Variants in LMBR1 observed in about 807,000 individuals in gnomAD.
The protein encoded by LMBR1 is limb region 1 protein homolog.
LMBR1 carries 52 observed loss-of-function variants against 73.9 expected under a neutral mutation model. The observed-to-expected ratio is 0.70, with a 90% CI of 0.56 to 0.89. The LOEUF (loss-of-function observed/expected upper bound fraction) is 0.89, where lower values mean the gene tolerates loss of function less well. Ranked by LOEUF, LMBR1 falls within the 40% of genes least tolerant of loss-of-function variation. LMBR1 has a pLI of 0.00. For missense variants in LMBR1, 539 were observed against 579.8 expected (o/e 0.93, Z 0.72); for synonymous variants, 215 against 209.4 (o/e 1.03, Z -0.23).
chr7:156,679,203 G>A lies in LMBR1; in HGVS notation c.*4875C>T, dbSNP rs553212545. 1 of 152,268 alleles carries A rather than the reference G, an allele frequency of 6.6e-6. No homozygotes were observed. The highest frequency in any genetic ancestry group is 1.9e-4 in the East Asian group (1 of 5,180). 9.4% of individuals were successfully genotyped at this position (152,268 alleles called of 1,614,324 possible). On this transcript the variant is annotated 3_prime_UTR_variant, in exon 17 of 17. Transcript: ENST00000353442. The stretch of plus-strand genomic sequence containing the variant: ...ATTTTCGGCTTCGCAAGGTGGTCCT[G>A]GGGGTGACTGTGGGACGACAAAGAA...
At chr7:156,704,215 C>A (rs751884988) in intron 15 of LMBR1, among the ~76,000 whole-genome samples, 1 of 152,190 alleles carries the variant, frequency 6.6e-6, no homozygotes, top group East Asian at 1.9e-4. Context: ...GCTTAGCCCA[C>A]CACTGCTACC....
rs895247036 is a variant in LMBR1, at chr7:156,680,625, A to C, written c.*3453T>G. 2.0e-5 allele frequency: 3 copies of C among 153,070 alleles called. No homozygotes were observed. The highest frequency in any genetic ancestry group is 4.4e-5 in the Non-Finnish European group (3 of 68,712). The allele number at this position is 153,070 out of a possible 1,614,324, so 9.5% of individuals were successfully genotyped here. Reference sequence around the variant, plus strand: ...CAAGTCTAAATAATTCAAGTAATTAAATAAAATACATGCTATCAATTATTG... The same window carrying C: ...CAAGTCTAAATAATTCAAGTAATTACATAAAATACATGCTATCAATTATTG... On this transcript the variant is annotated 3_prime_UTR_variant, in exon 17 of 17. Transcript: ENST00000353442.
chr7:156,704,505 G>A (rs28751067), intron 15 of LMBR1, among the ~76,000 whole-genome samples: 11,515 of 151,476 alleles, frequency 0.076, 629 homozygotes, highest in East Asian at 0.15. Flanking sequence ...CTCCGGATGC[G>A]CAGAAATCAA....
chr7:156,864,070 C>T (rs1334560670), intron 1 of LMBR1, among the ~76,000 whole-genome samples: 1 of 152,148 alleles, frequency 6.6e-6, no homozygotes, highest in Non-Finnish European at 1.5e-5. Flanking sequence ...ATGAGAATCA[C>T]TTGAACCTGG....
rs1046952433 is a variant in LMBR1, at chr7:156,680,696, C to G, written c.*3382G>C. 5.2e-4 allele frequency: 83 copies of G among 159,760 alleles called. No homozygotes were observed. The highest frequency in any genetic ancestry group is 2.0e-3 in the African/African-American group (81 of 41,442). The allele number at this position is 159,760 out of a possible 1,614,324, so 9.9% of individuals were successfully genotyped here. A position where few individuals can be genotyped will look rare whatever the true frequency, so the allele number is the denominator to read the frequency against. On this transcript the variant is annotated 3_prime_UTR_variant, in exon 17 of 17. Transcript: ENST00000353442. ...AGAAATTGATCTACCAATAACTGCA[C>G]AACAGAGAAAGAAAATATCCATTTC...
chr7:156,700,556 T>A (rs77956650), intron 15 of LMBR1, among the ~76,000 whole-genome samples: 2,812 of 151,670 alleles, frequency 0.019, 156 homozygotes, highest in Admixed American at 0.11. Context: ...TAATAAAATT[T>A]AAAAAAAAAT....
intron 3 of LMBR1, among the ~76,000 whole-genome samples, chr7:156,831,177 T>C (rs1376176008): frequency 2.0e-5 from 3 of 151,386 alleles, no homozygotes; most frequent in African/African-American, 7.3e-5. Context: ...GTGGGATATC[T>C]GACAGAAAAG....
intron 1 of LMBR1, among the ~76,000 whole-genome samples, chr7:156,839,483 G>A (rs1838261073): frequency 6.6e-6 from 1 of 152,050 alleles, no homozygotes; most frequent in Admixed American, 6.6e-5. Flanking sequence ...AGAAATAAAG[G>A]TTTGCCACAG....
At chr7:156,846,319 C>T (rs999144163) in intron 1 of LMBR1, among the ~76,000 whole-genome samples, 1 of 151,810 alleles carries the variant, frequency 6.6e-6, no homozygotes, top group African/African-American at 2.4e-5. Context: ...ACAAAGATGC[C>T]AAATATGCAA....
chr7:156,869,570 A>G (rs1051576486), intron 1 of LMBR1, among the ~76,000 whole-genome samples: 2 of 152,196 alleles, frequency 1.3e-5, no homozygotes, highest in African/African-American at 4.8e-5. Flanking sequence ...AGCAAAACCC[A>G]AAGGTAGACA....
At chr7:156,697,555 T>C (rs935522926) in intron 15 of LMBR1, among the ~76,000 whole-genome samples, 3 of 152,158 alleles carry the variant, frequency 2.0e-5, no homozygotes, top group Non-Finnish European at 4.4e-5. Context: ...AATGCATTCT[T>C]TTCCCAAGGT....
chr7:156,838,991 A>G (rs908608459), intron 1 of LMBR1, among the ~76,000 whole-genome samples: 1 of 149,238 alleles, frequency 6.7e-6, no homozygotes, highest in African/African-American at 2.5e-5. Flanking sequence ...ACATTTTCAT[A>G]TACCTATTGG....
chr7:156,684,204 C>T, intron 16 of LMBR1, 41 bp from the exon 17 acceptor site: 1 of 1,468,794 alleles, frequency 6.8e-7, no homozygotes, highest in Non-Finnish European at 9.5e-7. Context: ...TGATATATTG[C>T]TGAGTGGCTG....
intron 2 of LMBR1, among the ~76,000 whole-genome samples, chr7:156,833,999 A>G (rs1837165441): frequency 6.6e-6 from 1 of 152,200 alleles, no homozygotes; most frequent in African/African-American, 2.4e-5. Flanking sequence ...GGGATGTTTC[A>G]ATTAACAAAA....
intron 1 of LMBR1, among the ~76,000 whole-genome samples, chr7:156,872,505 G>A (rs1799449793): frequency 1.3e-5 from 2 of 151,854 alleles, no homozygotes; most frequent in South Asian, 4.2e-4. Flanking sequence ...AATTTAGCTG[G>A]GCGTGGTGGC....
At chr7:156,793,032 G>C (rs1325559650) in intron 5 of LMBR1, among the ~76,000 whole-genome samples, 22 of 152,056 alleles carry the variant, frequency 1.4e-4, no homozygotes, top group Non-Finnish European at 1.5e-5. Context: ...TATCACTTCA[G>C]CAACTATATG....
intron 1 of LMBR1, among the ~76,000 whole-genome samples, chr7:156,876,745 T>C (rs942764145): frequency 2.0e-5 from 3 of 152,166 alleles, no homozygotes; most frequent in Admixed American, 1.3e-4. Context: ...GAAATCAAGA[T>C]GGAAATTTTA....
intron 1 of LMBR1, among the ~76,000 whole-genome samples, chr7:156,851,376 T>C (rs778500481): frequency 2.7e-4 from 41 of 152,230 alleles, no homozygotes; most frequent in Admixed American, 2.6e-4. Context: ...GGCAAAGCAA[T>C]GCTTCCTCAC....
intron 1 of LMBR1, among the ~76,000 whole-genome samples, chr7:156,877,369 A>G: frequency 6.6e-6 from 1 of 152,334 alleles, no homozygotes; most frequent in East Asian, 1.9e-4. Context: ...TCCACAAGAT[A>G]AAGAGAAAAT....
Sources: allele counts gnomAD v4.1 joint callset (sites outside exome capture counted in the v4.1 genomes callset), GRCh38; gene constraint gnomAD v4.1.1; transcripts MANE v1.5; gene names NCBI Gene and HGNC (gene_info 2026-07-23, HGNC 2026-07-21).